CLVS2: variants seen among roughly 807,000 people sequenced by gnomAD.
The protein encoded by CLVS2 is clavesin 2.
A neutral mutation model predicts 29.0 loss-of-function variants in CLVS2; 19 were observed. The observed-to-expected ratio is 0.66, with a 90% CI of 0.46 to 0.96. The LOEUF is 0.96. Among genes scored for constraint, CLVS2 ranks in the 40% least tolerant of loss-of-function variants. CLVS2 has a pLI of 0.00. For missense variants in CLVS2, 294 were observed against 404.1 expected (o/e 0.73, Z 2.34); for synonymous variants, 161 against 151.3 (o/e 1.06, Z -0.47).
At chr6:123,021,052 G>GC (rs1774912777) in intron 3 of CLVS2, among the ~76,000 whole-genome samples, 1 of 51,996 alleles carries the variant, frequency 1.9e-5, no homozygotes, top group African/African-American at 9.4e-5. Context: ...GAAAGAGTAT[G>GC]GGGGGGGTAA....
rs1319929262 is a variant in CLVS2, at chr6:123,070,096, TG to T, written c.*6336del. ...TAAGTTTTAGTGCTAGAAAAATTGT[TG>T]TTTTTTGTGTTTTGTATTCATAGGG... is the stretch of plus-strand genomic sequence containing the variant. On this transcript the variant is annotated 3_prime_UTR_variant, in exon 6 of 6. Coordinates refer to ENST00000275162, the MANE Select transcript of CLVS2 (RefSeq NM_001010852.4). The T allele has an allele frequency of 1.3e-5, 2 of 151,990 alleles. No individual in the cohort carries two copies. Among genetic ancestry groups the T allele is most frequent in the African/African-American group, 4.8e-5 (2 of 41,426 alleles). The allele number at this position is 151,990 out of a possible 1,614,324, so 9.4% of individuals were successfully genotyped here.
In CLVS2 at chr6:123,055,713, G is replaced by T. The variant is rs1332417830; in HGVS notation, c.676-93G>T. On this transcript the variant is annotated intron_variant, in intron 4 of 5. Coordinates refer to ENST00000275162, the MANE Select transcript of CLVS2 (RefSeq NM_001010852.4). ...TAACAGACATGCGAAACTCATATTT[G>T]CTATTGCTATCCTCACATCCCCCCT... 20 of 855,626 alleles carry T rather than the reference G, an allele frequency of 2.3e-5. No homozygotes were observed. The East Asian group carries it at 4.4e-4, about 19-fold the overall frequency. The allele number at this position is 855,626 out of a possible 1,614,324, so 53.0% of individuals were successfully genotyped here.
intron 2 of CLVS2, among the ~76,000 whole-genome samples, chr6:123,008,750 A>G (rs1180465578): frequency 6.6e-6 from 1 of 151,686 alleles, no homozygotes. Context: ...CAACCTTCCA[A>G]TGCCTGTGTT....
chr6:123,040,590 C>T (rs1413566084), intron 3 of CLVS2, among the ~76,000 whole-genome samples: 1 of 152,068 alleles, frequency 6.6e-6, no homozygotes, highest in Non-Finnish European at 1.5e-5. Context: ...GTCAGGAGTT[C>T]AAGACCAGCC....
chr6:123,023,590 A>C (rs1020161141), intron 3 of CLVS2, among the ~76,000 whole-genome samples: 16 of 152,224 alleles, frequency 1.1e-4, no homozygotes, highest in African/African-American at 3.9e-4. Context: ...TCATGAGGCC[A>C]CATAAGGAAG....
intron 3 of CLVS2, among the ~76,000 whole-genome samples, chr6:123,019,063 T>G (rs1469255343): frequency 1.3e-5 from 2 of 152,076 alleles, no homozygotes; most frequent in Admixed American, 1.3e-4. Context: ...TTTGCTCAAT[T>G]TTATTCCTTT....
chr6:122,997,687 G>A lies in CLVS2; in HGVS notation c.-91G>A, dbSNP rs1309517062. Reference sequence around the variant, plus strand: ...AGAGGAAGCAGGCAGCAGGAGGTCTGGGGGCTGGAGTCTGGTGGTGGCAAG... The same window carrying A: ...AGAGGAAGCAGGCAGCAGGAGGTCTAGGGGCTGGAGTCTGGTGGTGGCAAG... On this transcript the variant is annotated 5_prime_UTR_variant, in exon 2 of 6. Coordinates refer to ENST00000275162, the MANE Select transcript of CLVS2 (RefSeq NM_001010852.4). The A allele has an allele frequency of 3.8e-6, 5 of 1,300,614 alleles. No homozygotes were observed. In the African/African-American group the frequency reaches 7.4e-5, roughly 19 times the overall value. 80.6% of individuals were successfully genotyped at this position (1,300,614 alleles called of 1,614,324 possible).
intron 2 of CLVS2, among the ~76,000 whole-genome samples, chr6:123,003,745 C>T (rs1034325393): frequency 6.6e-6 from 1 of 152,156 alleles, no homozygotes; most frequent in African/African-American, 2.4e-5. Context: ...CTAATGAGGA[C>T]ACTGTTTACC....
intron 5 of CLVS2, among the ~76,000 whole-genome samples, chr6:123,061,689 T>A (rs1772780772): frequency 6.6e-6 from 1 of 152,186 alleles, no homozygotes; most frequent in African/African-American, 2.4e-5. Flanking sequence ...AATGTCATAT[T>A]CTCTAATATT....
At chr6:123,019,499 G>A (rs921509133) in intron 3 of CLVS2, among the ~76,000 whole-genome samples, 4 of 151,870 alleles carry the variant, frequency 2.6e-5, no homozygotes, top group South Asian at 2.1e-4. Flanking sequence ...AGGGGCAGGC[G>A]ATTTCTATTT....
At chr6:123,004,894 C>A (rs1774641621) in intron 2 of CLVS2, among the ~76,000 whole-genome samples, 1 of 150,620 alleles carries the variant, frequency 6.6e-6, no homozygotes, top group Admixed American at 6.7e-5. Flanking sequence ...GCCTGGGCGA[C>A]AAGAGCAAAA....
intron 3 of CLVS2, among the ~76,000 whole-genome samples, chr6:123,013,557 ACT>A (rs1311882585): frequency 1.3e-5 from 2 of 151,700 alleles, no homozygotes; most frequent in African/African-American, 4.8e-5. Context: ...ATGGGATGTA[ACT>A]CTGTTTTGAG....
chr6:123,006,927 C>T (rs1380590394), intron 2 of CLVS2, among the ~76,000 whole-genome samples: 3 of 151,612 alleles, frequency 2.0e-5, no homozygotes, highest in Admixed American at 1.3e-4. Flanking sequence ...CAGCAGGGAA[C>T]CAAAGATGAA....
At chr6:123,007,630 T>C (rs1774688055) in intron 2 of CLVS2, among the ~76,000 whole-genome samples, 1 of 152,208 alleles carries the variant, frequency 6.6e-6, no homozygotes, top group Non-Finnish European at 1.5e-5. Flanking sequence ...TTCTAGCAGC[T>C]TTTATTCTTT....
At chr6:123,010,578 A>G (rs535776221) in intron 2 of CLVS2, among the ~76,000 whole-genome samples, 29 of 152,078 alleles carry the variant, frequency 1.9e-4, no homozygotes, top group South Asian at 1.7e-3. Context: ...GTTTTCATTT[A>G]TTGATGAGAC....
intron 3 of CLVS2, among the ~76,000 whole-genome samples, chr6:123,035,430 T>C (rs1475918418): frequency 6.6e-6 from 1 of 152,074 alleles, no homozygotes; most frequent in African/African-American, 2.4e-5. Context: ...ACAATCTACA[T>C]GGATGAGGTC....
chr6:123,006,018 A>G (rs887782140), intron 2 of CLVS2, among the ~76,000 whole-genome samples: 5 of 152,198 alleles, frequency 3.3e-5, no homozygotes, highest in Admixed American at 6.5e-5. Context: ...AAGTGGTATC[A>G]AACAGTGAAA....
At chr6:123,016,442 T>TTATAGATGATTTTTAGC (rs1774835574) in intron 3 of CLVS2, among the ~76,000 whole-genome samples, 2 of 151,984 alleles carry the variant, frequency 1.3e-5, no homozygotes, top group South Asian at 4.1e-4. Context: ...ATCTCCCAAT[T>TTATAGATGATTTTTAGC]TATAGATGAT....
In CLVS2 at chr6:123,049,684, C is replaced by CATGTT. The variant is rs557622316; in HGVS notation, c.675+952_675+953insATGTT. 5.2e-3 allele frequency among the ~76,000 whole-genome samples: 795 copies of CATGTT among 152,084 alleles called. 3 individuals are homozygous for CATGTT. Among genetic ancestry groups the CATGTT allele is most frequent in the Non-Finnish European group, 7.0e-3 (474 of 67,996 alleles). ...CTAAATCTATATGGAAGATAATTTT[C>CATGTT]CATGTTTCTCAATGACCTAGAAGGC... On this transcript the variant is annotated intron_variant, in intron 4 of 5. Coordinates refer to ENST00000275162, the MANE Select transcript of CLVS2 (RefSeq NM_001010852.4).
Sources: allele counts gnomAD v4.1 joint callset (sites outside exome capture counted in the v4.1 genomes callset), GRCh38; gene constraint gnomAD v4.1.1; transcripts MANE v1.5; gene names NCBI Gene and HGNC (gene_info 2026-07-23, HGNC 2026-07-21).